Variants in BTD observed in about 807,000 individuals in gnomAD.
The protein encoded by BTD is biotinidase.
In BTD, 13 loss-of-function variants were observed where a neutral mutation model predicts 17.7. The observed-to-expected ratio is 0.74, with a 90% confidence interval of 0.48 to 1.17. The LOEUF (loss-of-function observed/expected upper bound fraction) is 1.17. Among genes scored for constraint, BTD ranks in the 50% most tolerant of loss-of-function variants. BTD has a pLI of 0.00. For missense variants in BTD, 674 were observed against 650.4 expected, an observed-to-expected ratio of 1.04 and a Z score of -0.39; for synonymous variants, 240 against 245.2, an observed-to-expected ratio of 0.98 and a Z score of 0.20.
chr3:15,695,144 A>C, intron 3 of BTD: 1 of 1,466,046 alleles, frequency 6.8e-7, no homozygotes, highest in Non-Finnish European at 9.5e-7. Context: ...GTAGGAGGGA[A>C]CTGACCAATA....
downstream of BTD, chr3:15,714,750 ATAAC>A: frequency 2.5e-6 from 2 of 815,370 alleles, no homozygotes; most frequent in Non-Finnish European, 3.6e-6. Flanking sequence ...CTTTATTTTT[ATAAC>A]TATTTTACAT....
intron 3 of BTD, among the ~76,000 whole-genome samples, chr3:15,704,096 C>T (rs1047588828): frequency 2.0e-5 from 3 of 152,062 alleles, no homozygotes; most frequent in South Asian, 2.1e-4. Flanking sequence ...CAGCCCTATA[C>T]GTATCTGCAA....
rs140048961 is a variant in BTD at position 15,707,929 on chromosome 3, A to G, written c.400-2131A>G. 4.6e-4 allele frequency: 748 copies of G among 1,612,882 alleles called. 2 individuals carry two copies. In the Middle Eastern group the frequency reaches 0.014, roughly 30 times the overall value. On this transcript the variant is annotated intron_variant, in intron 3 of 3. Coordinates refer to the BTD transcript ENST00000672141. ...CTCACTCCTATGGTACTTACTTGCC[A>G]TCTGTGTCTGATGTAGCTGCATAGT...
chr3:15,670,415 G>A, intron 3 of BTD: 8 of 1,613,952 alleles, frequency 5.0e-6, no homozygotes, highest in South Asian at 3.3e-5. Flanking sequence ...TGTTTTTGAG[G>A]TGTTGGTATA....
chr3:15,690,069 G>A (rs1180709445), intron 3 of BTD: 1 of 1,612,196 alleles, frequency 6.2e-7, no homozygotes, highest in Non-Finnish European at 8.5e-7. Flanking sequence ...TACTAAGATT[G>A]AGGCTCCCTG....
intron 1 of BTD, among the ~76,000 whole-genome samples, chr3:15,624,407 T>C (rs1422493546): frequency 6.6e-6 from 1 of 152,140 alleles, no homozygotes; most frequent in Non-Finnish European, 1.5e-5. Flanking sequence ...TTTTTTTCAG[T>C]CTTTTTTCTC....
intron 1 of BTD, among the ~76,000 whole-genome samples, chr3:15,607,242 G>A (rs1404516006): frequency 6.6e-6 from 1 of 152,168 alleles, no homozygotes; most frequent in African/African-American, 2.4e-5. Flanking sequence ...GTGGGAGGAA[G>A]TCAAAGGATG....
chr3:15,707,841 C>T lies in BTD; in HGVS notation c.400-2219C>T. 2.0e-6 allele frequency: 3 copies of T among 1,496,092 alleles called. No homozygotes were observed. In the South Asian group the frequency reaches 3.9e-5, roughly 19 times the overall value. The allele number at this position is 1,496,092 out of a possible 1,614,324, so 92.7% of individuals were successfully genotyped here. A position where few individuals can be genotyped will look rare whatever the true frequency, so the allele number is the denominator to read the frequency against. The stretch of plus-strand genomic sequence containing the variant: ...CAACAAAAAATACAAAGAGGAAACA[C>T]AAATTTGCAACAAAAACATCCATAT... On this transcript the variant is annotated intron_variant, in intron 3 of 3. Coordinates refer to the BTD transcript ENST00000672141.
chr3:15,661,699 C>G (rs892039311), intron 3 of BTD, among the ~76,000 whole-genome samples: 2 of 152,090 alleles, frequency 1.3e-5, no homozygotes, highest in African/African-American at 4.8e-5. Context: ...GGTGTTATAT[C>G]TAAAAAGTCA....
chr3:15,658,918 A>C (rs1230551174), intron 3 of BTD, among the ~76,000 whole-genome samples: 1 of 152,164 alleles, frequency 6.6e-6, no homozygotes, highest in South Asian at 2.1e-4. Flanking sequence ...GCCAAAAATC[A>C]TACAGGTTGT....
chr3:15,700,871 G>A, intron 3 of BTD, among the ~76,000 whole-genome samples: 1 of 152,078 alleles, frequency 6.6e-6, no homozygotes, highest in East Asian at 1.9e-4. Flanking sequence ...GTGATCTTGG[G>A]CCATAAAAGT....
chr3:15,696,588 T>G (rs1394333025), intron 3 of BTD, among the ~76,000 whole-genome samples: 1 of 152,066 alleles, frequency 6.6e-6, no homozygotes, highest in African/African-American at 2.4e-5. Flanking sequence ...CTTTTCGTGG[T>G]GGTGAGTACA....
intron 3 of BTD, among the ~76,000 whole-genome samples, chr3:15,663,101 G>A (rs1190163838): frequency 6.6e-6 from 1 of 151,912 alleles, no homozygotes; most frequent in African/African-American, 2.4e-5. Flanking sequence ...GGTTTCAAGT[G>A]ATTCTCATGC....
downstream of BTD, chr3:15,714,477 T>A: frequency 1.2e-6 from 1 of 825,336 alleles, no homozygotes. Flanking sequence ...ATACACAAAA[T>A]GCGATGACAA....
At chr3:15,623,247 A>G (rs985962663) in intron 1 of BTD, among the ~76,000 whole-genome samples, 1 of 152,190 alleles carries the variant, frequency 6.6e-6, no homozygotes, top group Non-Finnish European at 1.5e-5. Flanking sequence ...ATCAGTTACT[A>G]TTAGGATGGT....
At chr3:15,613,929 T>C in intron 1 of BTD, among the ~76,000 whole-genome samples, 1 of 152,086 alleles carries the variant, frequency 6.6e-6, no homozygotes, top group South Asian at 2.1e-4. Context: ...CTCTTCCCTC[T>C]GGTTGCGTCT....
At position 15,692,144 on chromosome 3, in the gene BTD, T is replaced by TAAAAAA. The variant is rs908039642; in HGVS notation, c.400-17899_400-17894dup. ...GACAGAATGAGATTGTATCTCTAAA[T>TAAAAAA]AAAAAAAAAAAAAAAAAAAAAATGA... On this transcript the variant is annotated intron_variant, in intron 3 of 3. Coordinates refer to the BTD transcript ENST00000672141. Among the ~76,000 whole-genome samples, 7 of 98,680 alleles carry TAAAAAA rather than the reference T, an allele frequency of 7.1e-5. No homozygotes were observed. The East Asian group carries it at 1.2e-3, about 16-fold the overall frequency. The allele number at this position is 98,680 out of a possible 152,430, so 64.7% of individuals were successfully genotyped here. A position where few individuals can be genotyped will look rare whatever the true frequency, so the allele number is the denominator to read the frequency against.
At chr3:15,629,967 G>T (rs2065164180) in intron 1 of BTD, 4 of 797,662 alleles carry the variant, frequency 5.0e-6, no homozygotes, top group Non-Finnish European at 6.1e-6. Context: ...CATGTAAAAT[G>T]CAATGTGGCA....
At chr3:15,684,215 A>C (rs570540066) in intron 3 of BTD, 1 of 152,318 alleles carries the variant, frequency 6.6e-6, no homozygotes, top group Admixed American at 6.5e-5. Context: ...TCATTGCATA[A>C]ATTATTTTAA....
Sources: gnomAD v4.1 joint callset for allele counts (sites outside exome capture counted in the v4.1 genomes callset) on GRCh38, gnomAD v4.1.1 for gene constraint, MANE v1.5 for transcripts, NCBI Gene and HGNC (gene_info 2026-07-23, HGNC 2026-07-21) for gene names.